The following RYR3 variants were observed in gnomAD, a reference collection of about 807,000 sequenced individuals.
RYR3 encodes the protein brain ryanodine receptor-calcium release channel.
In RYR3, 207 loss-of-function variants were observed where a neutral mutation model predicts 584.3. That is an observed-to-expected ratio of 0.35 (90% CI 0.32 to 0.40). RYR3 has a LOEUF of 0.40. Among genes scored for constraint, RYR3 ranks in the 10% least tolerant of loss-of-function variants. RYR3 has a pLI of 1.00. For missense variants in RYR3, 5,616 were observed against 6,089.2 expected, an observed-to-expected ratio of 0.92 and a Z score of 2.59; for synonymous variants, 2,416 against 2,248.5, an observed-to-expected ratio of 1.07 and a Z score of -2.11.
intron 19 of RYR3, among the ~76,000 whole-genome samples, chr15:33,616,565 T>C (rs559912049): frequency 5.9e-5 from 9 of 152,142 alleles, no homozygotes; most frequent in Non-Finnish European, 1.2e-4. Context: ...AGATGACTAA[T>C]CATTTAGGAG....
rs1018585519 is a variant in RYR3 at position 33,628,569 on chromosome 15, C to A, written c.2673C>A (p.Phe891Leu). 2 of 1,608,148 alleles carry A rather than the reference C, an allele frequency of 1.2e-6. No homozygotes were observed. Among genetic ancestry groups the A allele is most frequent in the East Asian group, 4.5e-5 (2 of 44,846 alleles). ...ATAAAATAGAACTTGGCTGGACTTT[C>A]GGCAAGGTATGTGTCTCAGGGCCAG... ...GMNKIELGWT[F>L]GKIRDDNKRQ... Residue 891 changes from phenylalanine to leucine, a missense_variant, in exon 21 of 104, where the codon TTC becomes TTA. Physicochemically the swap from Phe to Leu is conservative, Grantham distance 22. This residue lies in a region of RYR3 where 1,284 missense variants were observed against 1,344.6 expected (regional missense o/e 0.95). Transcript: ENST00000634891.
intron 27 of RYR3, among the ~76,000 whole-genome samples, chr15:33,638,001 G>A (rs2061591117): frequency 6.6e-6 from 1 of 151,674 alleles, no homozygotes; most frequent in Non-Finnish European, 1.5e-5. Flanking sequence ...CCCTTCCTGT[G>A]TTCATGTGTT....
intron 1 of RYR3, among the ~76,000 whole-genome samples, chr15:33,467,876 GCT>G (rs557537891): frequency 4.4e-4 from 67 of 152,312 alleles, no homozygotes; most frequent in African/African-American, 1.5e-3. Flanking sequence ...CACTCTGGCT[GCT>G]CTCTTTGGCC....
chr15:33,449,640 G>A (rs1160815828), intron 1 of RYR3, among the ~76,000 whole-genome samples: 1 of 152,154 alleles, frequency 6.6e-6, no homozygotes, highest in African/African-American at 2.4e-5. Context: ...GTCCCATGCT[G>A]AATATAAAAA....
chr15:33,725,982 A>ACGCC (rs1567033976), intron 45 of RYR3, among the ~76,000 whole-genome samples: 2 of 125,664 alleles, frequency 1.6e-5, no homozygotes, highest in South Asian at 2.6e-4. Flanking sequence ...CCCCCAAAAA[A>ACGCC]AAAAAAAAAA....
rs183443945 is a variant in RYR3, at chr15:33,757,572, A to G, written c.8681A>G (p.His2894Arg). The G allele has an allele frequency of 1.3e-5, 21 of 1,611,152 alleles. No homozygotes were observed. Among genetic ancestry groups the G allele is most frequent in the Non-Finnish European group, 1.8e-5 (21 of 1,179,008 alleles). The change falls in exon 60 of 104, where the codon CAT (histidine) becomes CGT (arginine). Residue 2894 changes from histidine to arginine, a missense_variant. His to Arg is a conservative substitution (Grantham distance 29). Around this residue, in one of 9 missense-constraint regions of RYR3, gnomAD observed 1,280 missense variants for 1,426.2 expected, o/e 0.90. Coordinates refer to ENST00000634891, the MANE Select transcript of RYR3 (RefSeq NM_001036.6). ...KPLSSSGYAS[H>R]KEKEMVAGLF... ...CTTAGCAGCAGCGGATATGCCTCCC[A>G]TAAGGAGAAAGAAATGGTGGCCGGG...
chr15:33,355,760 C>T (rs894353426), intron 1 of RYR3, among the ~76,000 whole-genome samples: 3 of 152,178 alleles, frequency 2.0e-5, no homozygotes, highest in African/African-American at 7.2e-5. Context: ...CCCTGATCCC[C>T]TAGCTAGGTA....
chr15:33,732,101 G>C (rs2069004438), intron 48 of RYR3, among the ~76,000 whole-genome samples: 1 of 152,092 alleles, frequency 6.6e-6, no homozygotes, highest in Admixed American at 6.5e-5. Flanking sequence ...CAACCTACCG[G>C]CTGGGCACGG....
chr15:33,859,766 T>G, intron 100 of RYR3, 35 bp downstream of exon 100: 1 of 1,568,788 alleles, frequency 6.4e-7, no homozygotes, highest in Non-Finnish European at 8.7e-7. Context: ...ATGAACAGGG[T>G]TTAATCTAGT....
At chr15:33,467,424 A>C in intron 1 of RYR3, 1 of 962,220 alleles carries the variant, frequency 1.0e-6, no homozygotes, top group Non-Finnish European at 1.2e-6. Context: ...AAGGTTCCCC[A>C]GCCATCAGCT....
intron 20 of RYR3, among the ~76,000 whole-genome samples, chr15:33,627,190 C>T (rs966305241): frequency 2.6e-5 from 4 of 152,268 alleles, no homozygotes; most frequent in African/African-American, 2.4e-5. Context: ...CCGTGTTAGC[C>T]ATCTTCTAAG....
intron 10 of RYR3, among the ~76,000 whole-genome samples, chr15:33,555,240 C>T (rs891532041): frequency 3.3e-5 from 5 of 152,138 alleles, no homozygotes; most frequent in Non-Finnish European, 7.3e-5. Context: ...CAGCTGTGCT[C>T]ATGGTGCACC....
At chr15:33,510,187 G>A (rs957684950) in intron 3 of RYR3, among the ~76,000 whole-genome samples, 2 of 152,286 alleles carry the variant, frequency 1.3e-5, no homozygotes, top group African/African-American at 4.8e-5. Context: ...TGACAAAGCT[G>A]GGTGTTTGGA....
intron 85 of RYR3, among the ~76,000 whole-genome samples, chr15:33,828,003 C>T (rs1247539922): frequency 6.6e-6 from 1 of 152,224 alleles, no homozygotes; most frequent in Non-Finnish European, 1.5e-5. Flanking sequence ...AACCCTGCAT[C>T]AAGCAAGTCT....
At chr15:33,384,889 G>T (rs2141226838) in intron 1 of RYR3, among the ~76,000 whole-genome samples, 1 of 152,142 alleles carries the variant, frequency 6.6e-6, no homozygotes. Context: ...ATTTTCTAAG[G>T]GTTGATTGGA....
intron 12 of RYR3, among the ~76,000 whole-genome samples, chr15:33,578,503 G>A (rs111714004): frequency 3.3e-5 from 5 of 152,122 alleles, no homozygotes; most frequent in African/African-American, 9.6e-5. Context: ...AAACTAATTC[G>A]GGAACAGAAA....
intron 1 of RYR3, among the ~76,000 whole-genome samples, chr15:33,456,751 T>C (rs542029310): frequency 8.5e-5 from 13 of 152,270 alleles, no homozygotes; most frequent in Middle Eastern, 3.4e-3. Context: ...CCTGGTGAAA[T>C]CTCTTGCTGT....
At chr15:33,511,329 T>TAAAA (rs34328973) in intron 3 of RYR3, among the ~76,000 whole-genome samples, 41 of 119,372 alleles carry the variant, frequency 3.4e-4, no homozygotes, top group South Asian at 3.2e-3. Context: ...TTTCTCTCTT[T>TAAAA]AAAAAAAAAA....
chr15:33,835,643 G>C (rs2077994107), intron 87 of RYR3, among the ~76,000 whole-genome samples: 1 of 152,202 alleles, frequency 6.6e-6, no homozygotes, highest in South Asian at 2.1e-4. Flanking sequence ...GGAGGTATTT[G>C]AGGCTGATTA....
Sources: gnomAD v4.1 joint callset for allele counts (sites outside exome capture counted in the v4.1 genomes callset) on GRCh38, gnomAD v4.1.1 for gene constraint, gnomAD v4.1.1 regional missense constraint, MANE v1.5 for transcripts, NCBI Gene and HGNC (gene_info 2026-07-23, HGNC 2026-07-21) for gene names.